The following CEP192 variants were observed in gnomAD, a reference collection of about 807,000 sequenced individuals.
CEP192 encodes centrosomal protein 192, also known as centrosomal protein of 192 kDa.
CEP192 carries 151 observed loss-of-function variants against 271.8 expected under a neutral mutation model. The observed-to-expected ratio is 0.56, with a 90% confidence interval of 0.49 to 0.64. CEP192 has a LOEUF of 0.64. Ranked by LOEUF, CEP192 falls within the 30% of genes least tolerant of loss-of-function variation. CEP192 has a pLI of 0.00. For missense variants in CEP192, 2,910 were observed against 3,020.5 expected, an observed-to-expected ratio of 0.96 and a Z score of 0.86; for synonymous variants, 995 against 1,076.5, an observed-to-expected ratio of 0.92 and a Z score of 1.48.
intron 36 of CEP192, among the ~76,000 whole-genome samples, chr18:13,097,395 T>A: frequency 6.6e-6 from 1 of 152,314 alleles, no homozygotes; most frequent in Admixed American, 6.5e-5. Flanking sequence ...CCAGAAAATA[T>A]AAGCAGCCGG....
chr18:13,043,900 A>C (rs2036337604), intron 15 of CEP192, among the ~76,000 whole-genome samples: 1 of 152,104 alleles, frequency 6.6e-6, no homozygotes, highest in Non-Finnish European at 1.5e-5. Flanking sequence ...GTATATATTT[A>C]TGGGGTACAT....
intron 15 of CEP192, among the ~76,000 whole-genome samples, chr18:13,044,791 GT>G (rs567508348): frequency 6.1e-4 from 93 of 152,194 alleles, no homozygotes; most frequent in African/African-American, 2.2e-3. Flanking sequence ...TGGTATCAAG[GT>G]TTTACTGGTC....
chr18:13,025,017 C>T (rs943628796), intron 9 of CEP192, among the ~76,000 whole-genome samples: 12 of 152,214 alleles, frequency 7.9e-5, no homozygotes, highest in Non-Finnish European at 1.3e-4. Context: ...AGTGATCCAC[C>T]CGCCTTGGCC....
Position 13,049,777 on chromosome 18 carries a change from C to T in CEP192, c.2903C>T (p.Thr968Ile). ...CCCTTTCTGATAGATTTGAAAAATA[C>T]CTCTCCTGAGCATGGTGGACGTGGC... ...VSPKNSDLKN[T>I]SPEHGGRGSE... The change falls in exon 17 of 45, where the codon ACC (threonine) becomes ATC (isoleucine). Residue 968 changes from threonine to isoleucine, a missense_variant. Physicochemically the swap from Thr to Ile is moderately conservative, Grantham distance 89. Transcript: ENST00000506447. The T allele has an allele frequency of 4.3e-6, 7 of 1,612,178 alleles. No individual in the cohort carries two copies. Among genetic ancestry groups the T allele is most frequent in the Non-Finnish European group, 5.9e-6 (7 of 1,179,368 alleles).
At chr18:13,046,864 A>G (rs1325652638) in intron 15 of CEP192, among the ~76,000 whole-genome samples, 1 of 135,088 alleles carries the variant, frequency 7.4e-6, no homozygotes, top group East Asian at 2.2e-4. Context: ...GACTGCTGAT[A>G]ATGAATTTTG....
At position 13,055,813 on chromosome 18, in the gene CEP192, A is replaced by C. The variant is rs988916201; in HGVS notation, c.3223A>C (p.Ile1075Leu). ...DITSELSTTI[I>L]QGSPAALEER... ...CACCAGCGAGTTGAGTACCACAATT[A>C]TTCAAGGCAGTCCAGCCGCATTGGA... Residue 1075 changes from isoleucine to leucine, a missense_variant, in exon 19 of 45, where the codon ATT becomes CTT. Transcript: ENST00000506447. 1 of 1,594,466 alleles carries C rather than the reference A, an allele frequency of 6.3e-7. No homozygotes were observed. The highest frequency in any genetic ancestry group is 1.4e-5 in the African/African-American group (1 of 73,880).
chr18:13,049,562 G>A lies in CEP192; in HGVS notation c.2771G>A (p.Cys924Tyr), dbSNP rs759830148. Reference protein sequence around the residue: ...RITSLCLLKDCEEIRDNRENQ... With the variant: ...RITSLCLLKDYEEIRDNRENQ... ...ACATCCCTTTGTCTGTTAAAAGACT[G>A]TGAAGAAATACGAGATAACAGAGAA... The change falls in exon 16 of 45, where the codon TGT becomes TAT. Residue 924 changes from cysteine to tyrosine, a missense_variant. Transcript: ENST00000506447. 6.2e-7 allele frequency: 1 copy of A among 1,613,814 alleles called. No individual in the cohort carries two copies. The highest frequency in any genetic ancestry group is 1.3e-5 in the African/African-American group (1 of 74,836).
At chr18:13,107,098 T>C (rs1301012043) in intron 40 of CEP192, among the ~76,000 whole-genome samples, 1 of 152,180 alleles carries the variant, frequency 6.6e-6, no homozygotes, top group Non-Finnish European at 1.5e-5. Context: ...ATATATAGAT[T>C]TAATCTTCAT....
chr18:13,092,202 A>G (rs1230860241), intron 33 of CEP192, among the ~76,000 whole-genome samples, 175 bp from the exon 34 acceptor site: 2 of 152,212 alleles, frequency 1.3e-5, no homozygotes, highest in African/African-American at 2.4e-5. Flanking sequence ...GCTGTCAGCC[A>G]CTGGTGCTGA....
At chr18:13,095,868 C>A (rs191522460) in intron 35 of CEP192, among the ~76,000 whole-genome samples, 187 bp downstream of exon 35, 1 of 152,280 alleles carries the variant, frequency 6.6e-6, no homozygotes, top group Admixed American at 6.5e-5. Flanking sequence ...TGTCCCAGGG[C>A]CACACTCCTC....
chr18:13,069,015 C>T (rs779865842), intron 25 of CEP192, 24 bp downstream of exon 25: 22 of 1,613,970 alleles, frequency 1.4e-5, no homozygotes, highest in Admixed American at 1.2e-4. Context: ...TCCTTTCTGC[C>T]GTTACTGCTT....
chr18:13,064,489 G>A (rs534485925), intron 21 of CEP192, among the ~76,000 whole-genome samples: 1 of 151,984 alleles, frequency 6.6e-6, no homozygotes, highest in East Asian at 2.0e-4. Context: ...GCGGGCACCT[G>A]TAGTCCCAGC....
intron 44 of CEP192, among the ~76,000 whole-genome samples, chr18:13,122,925 G>A (rs1319259559): frequency 6.6e-6 from 1 of 152,088 alleles, no homozygotes; most frequent in Non-Finnish European, 1.5e-5. Flanking sequence ...CCATCTTGCT[G>A]GGAGTGTTCT....
intron 30 of CEP192, among the ~76,000 whole-genome samples, chr18:13,080,849 G>C (rs759546798): frequency 7.2e-5 from 11 of 152,062 alleles, no homozygotes; most frequent in Admixed American, 3.9e-4. Context: ...TAGCATGAAG[G>C]GCTGTTGAAT....
In CEP192 at chr18:13,030,542, T is replaced by G; in HGVS notation, c.1468T>G (p.Phe490Val). ...WVTDLAYYTS[F>V]NSKQNLNVSL... ...CACAGACCTTGCCTATTACACATCTTTTAATAGCAAACAAAATTTAAATGT... is the reference window on the plus strand; with the variant it reads ...CACAGACCTTGCCTATTACACATCTGTTAATAGCAAACAAAATTTAAATGT... Residue 490 changes from phenylalanine (F) to valine (V), a missense_variant, in exon 11 of 45, where the codon TTT (phenylalanine) becomes GTT (valine). Transcript: ENST00000506447. 2 of 1,612,484 alleles carry G rather than the reference T, an allele frequency of 1.2e-6. No individual in the cohort carries two copies. Among genetic ancestry groups the G allele is most frequent in the East Asian group, 2.2e-5 (1 of 44,854 alleles).
At chr18:13,092,356 A>C (rs1471797466) in intron 33 of CEP192, 21 bp from the exon 34 acceptor site, 1 of 1,528,692 alleles carries the variant, frequency 6.5e-7, no homozygotes, top group East Asian at 2.3e-5. Flanking sequence ...CATGTATTTC[A>C]AACATTATTT....
intron 3 of CEP192, among the ~76,000 whole-genome samples, chr18:13,004,681 G>A (rs1168819897): frequency 6.6e-6 from 1 of 152,112 alleles, no homozygotes; most frequent in African/African-American, 2.4e-5. Flanking sequence ...TTATCACATG[G>A]GACCACAGGA....
intron 9 of CEP192, among the ~76,000 whole-genome samples, chr18:13,023,076 G>C (rs1327064514): frequency 6.6e-6 from 1 of 152,046 alleles, no homozygotes; most frequent in African/African-American, 2.4e-5. Flanking sequence ...TTTTTTGTCA[G>C]TTCTTTTGGA....
intron 11 of CEP192, among the ~76,000 whole-genome samples, chr18:13,035,058 A>G (rs554803763): frequency 1.6e-4 from 25 of 152,278 alleles, no homozygotes; most frequent in African/African-American, 5.8e-4. Flanking sequence ...TAAAAAGTGA[A>G]GTTCTGCTTT....
Sources: allele counts gnomAD v4.1 joint callset (sites outside exome capture counted in the v4.1 genomes callset), GRCh38; gene constraint gnomAD v4.1.1; transcripts MANE v1.5; gene names NCBI Gene and HGNC (gene_info 2026-07-23, HGNC 2026-07-21).